Variants in ATP10D observed in about 807,000 individuals in gnomAD.
The protein encoded by ATP10D is phospholipid-transporting ATPase VD.
ATP10D carries 89 observed loss-of-function variants against 144.8 expected under a neutral mutation model. The ratio of observed to expected loss-of-function variants is 0.61; its 90% CI spans 0.52 to 0.73. The LOEUF is 0.73. Among genes scored for constraint, ATP10D ranks in the 30% least tolerant of loss-of-function variants. The pLI, the probability that ATP10D is intolerant of heterozygous loss-of-function variation, is 0.00. For missense variants in ATP10D, 1,603 were observed against 1,714.8 expected, an observed-to-expected ratio of 0.93 and a Z score of 1.15; for synonymous variants, 571 against 615.1, an observed-to-expected ratio of 0.93 and a Z score of 1.06.
chr4:47,570,816 A>G (rs1267210529), intron 16 of ATP10D, among the ~76,000 whole-genome samples: 4 of 151,630 alleles, frequency 2.6e-5, no homozygotes, highest in Non-Finnish European at 5.9e-5. Flanking sequence ...AAAAAAAAAG[A>G]GAAATAAAAG....
intron 10 of ATP10D, among the ~76,000 whole-genome samples, chr4:47,553,891 C>G (rs1482729284): frequency 6.6e-6 from 1 of 152,212 alleles, no homozygotes; most frequent in Non-Finnish European, 1.5e-5. Context: ...CCAGCTGCCT[C>G]TAGGACTCTT....
intron 19 of ATP10D, 40 bp from the exon 20 acceptor site, chr4:47,580,358 G>A (rs760775454): frequency 2.0e-6 from 3 of 1,491,236 alleles, no homozygotes; most frequent in Admixed American, 3.3e-5. Flanking sequence ...TTGGACCCTT[G>A]TTAATCTTAC....
intron 13 of ATP10D, chr4:47,560,374 A>G (rs1384189834): frequency 6.6e-6 from 1 of 152,128 alleles, no homozygotes; most frequent in Non-Finnish European, 1.5e-5. Context: ...ACCATTCATT[A>G]ACCACATAAA....
At chr4:47,572,587 G>A (rs1022068271) in intron 17 of ATP10D, among the ~76,000 whole-genome samples, 3 of 151,904 alleles carry the variant, frequency 2.0e-5, no homozygotes, top group African/African-American at 7.2e-5. Flanking sequence ...GAAAAAAAGG[G>A]AAAGAAGAGG....
chr4:47,509,737 A>G (rs144646688), intron 1 of ATP10D, among the ~76,000 whole-genome samples: 5 of 152,306 alleles, frequency 3.3e-5, no homozygotes, highest in African/African-American at 1.2e-4. Flanking sequence ...ACATGGATCT[A>G]TCCATTTCCA....
intron 9 of ATP10D, among the ~76,000 whole-genome samples, chr4:47,544,454 A>G (rs778148772): frequency 6.6e-6 from 1 of 152,254 alleles, no homozygotes; most frequent in Non-Finnish European, 1.5e-5. Flanking sequence ...GGAGATCAGA[A>G]TCTCTGGGAC....
intron 11 of ATP10D, among the ~76,000 whole-genome samples, chr4:47,557,250 C>A (rs758530711): frequency 4.6e-5 from 7 of 151,850 alleles, no homozygotes; most frequent in Non-Finnish European, 8.8e-5. Context: ...AGGATACACA[C>A]AGATAAGATC....
chr4:47,574,080 G>T (rs900719181), intron 18 of ATP10D, among the ~76,000 whole-genome samples: 1 of 152,186 alleles, frequency 6.6e-6, no homozygotes, highest in Admixed American at 6.5e-5. Context: ...GAACTTAGTG[G>T]TCAATGGCTT....
intron 14 of ATP10D, among the ~76,000 whole-genome samples, chr4:47,562,049 C>A (rs1424908893): frequency 6.6e-6 from 1 of 152,052 alleles, no homozygotes; most frequent in African/African-American, 2.4e-5. Flanking sequence ...ATTCCAAAAT[C>A]AAAAATGCTC....
chr4:47,522,946 A>C, intron 3 of ATP10D, 66 bp from the exon 4 acceptor site: 1 of 1,331,654 alleles, frequency 7.5e-7, no homozygotes. Context: ...AAATTTTTTA[A>C]AAAAAACATT....
intron 13 of ATP10D, among the ~76,000 whole-genome samples, chr4:47,559,332 T>TC (rs1448129004): frequency 2.0e-5 from 3 of 152,164 alleles, no homozygotes; most frequent in Non-Finnish European, 4.4e-5. Context: ...TTACTTTCTT[T>TC]CCCCCAGGAC....
chr4:47,562,298 T>C (rs1486175711), intron 14 of ATP10D, among the ~76,000 whole-genome samples: 1 of 152,186 alleles, frequency 6.6e-6, no homozygotes. Context: ...AAAAGGGAAC[T>C]GTAGACCCAT....
intron 1 of ATP10D, among the ~76,000 whole-genome samples, chr4:47,511,628 G>C (rs1375761947): frequency 6.6e-6 from 1 of 152,128 alleles, no homozygotes; most frequent in Non-Finnish European, 1.5e-5. Context: ...TTATCAGTTT[G>C]ATTTTGTTTT....
At chr4:47,540,641 G>A (rs1432872329) in intron 9 of ATP10D, among the ~76,000 whole-genome samples, 1 of 152,160 alleles carries the variant, frequency 6.6e-6, no homozygotes, top group Non-Finnish European at 1.5e-5. Context: ...TTCCCCTGCT[G>A]TTATCATCTT....
At chr4:47,504,974 G>A (rs34285381) in intron 1 of ATP10D, among the ~76,000 whole-genome samples, 39,543 of 152,142 alleles carry the variant, frequency 0.26, 5,689 homozygotes, top group Admixed American at 0.33. Context: ...TCTTGGTTGA[G>A]AAGAAGGTTA....
intron 5 of ATP10D, among the ~76,000 whole-genome samples, chr4:47,532,121 T>C (rs1717600922): frequency 6.6e-6 from 1 of 152,168 alleles, no homozygotes; most frequent in Non-Finnish European, 1.5e-5. Context: ...TGACAAGTAG[T>C]TCAAAATTTC....
At chr4:47,540,783 C>G (rs1718096725) in intron 9 of ATP10D, among the ~76,000 whole-genome samples, 3 of 152,116 alleles carry the variant, frequency 2.0e-5, no homozygotes, top group Admixed American at 6.5e-5. Context: ...AGGATCCTAG[C>G]TAGGATGCTG....
intron 2 of ATP10D, among the ~76,000 whole-genome samples, chr4:47,514,406 GAGT>G (rs1166409552): frequency 4.6e-5 from 7 of 152,218 alleles, no homozygotes; most frequent in African/African-American, 1.7e-4. Flanking sequence ...TGAAGCCACA[GAGT>G]AGCAGAAAGG....
intron 1 of ATP10D, among the ~76,000 whole-genome samples, chr4:47,503,524 T>C (rs1194141688): frequency 6.6e-6 from 1 of 152,196 alleles, no homozygotes; most frequent in Non-Finnish European, 1.5e-5. Flanking sequence ...GTGGTAAAAG[T>C]GAAAAGTAGT....
Sources: gnomAD v4.1 joint callset for allele counts (sites outside exome capture counted in the v4.1 genomes callset) on GRCh38, gnomAD v4.1.1 for gene constraint, MANE v1.5 for transcripts, NCBI Gene and HGNC (gene_info 2026-07-23, HGNC 2026-07-21) for gene names.